The following ZNF420 variants were observed in gnomAD, a reference collection of about 807,000 sequenced individuals.
The protein encoded by ZNF420 is zinc finger protein 420.
A neutral mutation model predicts 44.7 loss-of-function variants in ZNF420; 31 were observed. That is an observed-to-expected ratio of 0.69 (90% confidence interval 0.52 to 0.94). The LOEUF (loss-of-function observed/expected upper bound fraction) is 0.94, where lower values mean the gene tolerates loss of function less well. ZNF420 is among the 40% of genes least tolerant of loss of function. ZNF420 has a pLI of 0.00. For missense variants in ZNF420, 681 were observed against 827.9 expected (o/e 0.82, Z 2.18); for synonymous variants, 245 against 267.4 (o/e 0.92, Z 0.82).
At chr19:37,055,965 T>C (rs1239401484) in intron 1 of ZNF420, among the ~76,000 whole-genome samples, 1 of 152,162 alleles carries the variant, frequency 6.6e-6, no homozygotes, top group East Asian at 1.9e-4. Flanking sequence ...CCGATGGTTG[T>C]TCTTTTGAAA....
intron 4 of ZNF420, chr19:37,115,097 G>T: frequency 5.9e-6 from 1 of 169,190 alleles, no homozygotes; most frequent in South Asian, 1.8e-4. Context: ...CGCAAAGGGT[G>T]ACCATAGACG....
At chr19:37,013,302 G>T (rs926516078) in intron 1 of ZNF420, among the ~76,000 whole-genome samples, 7 of 152,168 alleles carry the variant, frequency 4.6e-5, no homozygotes, top group Non-Finnish European at 8.8e-5. Context: ...CAGGAGCCAG[G>T]CGCCTGTCGG....
At chr19:37,055,135 CT>C (rs1784458711) in intron 1 of ZNF420, among the ~76,000 whole-genome samples, 1 of 152,194 alleles carries the variant, frequency 6.6e-6, no homozygotes, top group South Asian at 2.1e-4. Flanking sequence ...AATCTTAGCA[CT>C]TGGGGAGGCC....
chr19:37,110,335 A>G (rs35314047), intron 4 of ZNF420, among the ~76,000 whole-genome samples: 6,770 of 152,260 alleles, frequency 0.044, 430 homozygotes, highest in African/African-American at 0.13. Flanking sequence ...CACTGGGTGC[A>G]ATGTTGTACA....
intron 4 of ZNF420, among the ~76,000 whole-genome samples, chr19:37,123,832 TCTC>T (rs2145323399): frequency 6.6e-6 from 1 of 151,772 alleles, no homozygotes; most frequent in South Asian, 2.1e-4. Flanking sequence ...ATGGTCTCAA[TCTC>T]CTGACCTCGT....
At chr19:37,045,955 T>C (rs1052241121) in intron 1 of ZNF420, among the ~76,000 whole-genome samples, 2 of 152,226 alleles carry the variant, frequency 1.3e-5, no homozygotes, top group African/African-American at 4.8e-5. Flanking sequence ...ACTTCTTACA[T>C]GGCAGTGGCA....
In ZNF420 at chr19:37,128,868, A is replaced by G; in HGVS notation, c.1877A>G (p.Gln626Arg). 1 of 1,613,662 alleles carries G rather than the reference A, an allele frequency of 6.2e-7. No individual in the cohort carries two copies. Among genetic ancestry groups the G allele is most frequent in the Non-Finnish European group, 8.5e-7 (1 of 1,179,914 alleles). ...AGAGAATGTAGAAAGGCCTTTACTC[A>G]GAGTTCACATCTTTCTCGGCATCAG... is the stretch of plus-strand genomic sequence containing the variant. ...ECRECRKAFT[Q>R]SSHLSRHQRI... Residue 626 changes from glutamine to arginine, a missense_variant, in exon 5 of 5, where the codon CAG becomes CGG. Physicochemically the swap from Gln to Arg is conservative, Grantham distance 43 (BLOSUM62 1). Coordinates refer to ENST00000337995, the MANE Select transcript of ZNF420 (RefSeq NM_144689.5).
intron 1 of ZNF420, among the ~76,000 whole-genome samples, chr19:37,051,637 T>C: frequency 6.6e-6 from 1 of 152,316 alleles, no homozygotes; most frequent in East Asian, 1.9e-4. Context: ...TTGCTAGCAG[T>C]CTATCAATTT....
chr19:37,127,822 G>C lies in ZNF420; in HGVS notation c.831G>C (p.Lys277Asn), dbSNP rs140173769. ...TLHQRLHTGEKLYECKECRKV... is the reference protein window; with the variant it reads ...TLHQRLHTGENLYECKECRKV... ...ACCAGAGACTTCATACTGGTGAAAA[G>C]CTCTATGAATGTAAAGAATGTAGGA... is the stretch of plus-strand genomic sequence containing the variant. The change falls in exon 5 of 5, where the codon AAG becomes AAC. Residue 277 changes from lysine (K) to asparagine (N), a missense_variant. Around this residue, in one of 3 missense-constraint regions of ZNF420, gnomAD observed 350 missense variants for 382.5 expected, o/e 0.92. Transcript: ENST00000337995. 63 of 1,613,542 alleles carry C rather than the reference G, an allele frequency of 3.9e-5. No individual in the cohort carries two copies. The highest frequency in any genetic ancestry group is 5.3e-5 in the Non-Finnish European group (62 of 1,179,890).
upstream of ZNF420, among the ~76,000 whole-genome samples, chr19:37,074,620 A>G (rs1415283647): frequency 6.6e-6 from 1 of 152,216 alleles, no homozygotes; most frequent in African/African-American, 2.4e-5. Flanking sequence ...AATGTGGACT[A>G]TATATTAGAT....
chr19:37,037,441 C>T (rs1167160003), intron 1 of ZNF420, among the ~76,000 whole-genome samples: 1 of 152,354 alleles, frequency 6.6e-6, no homozygotes, highest in East Asian at 1.9e-4. Flanking sequence ...CATGGAAGCG[C>T]AGGCTTCCCC....
At chr19:37,070,186 T>C (rs1230363571) in intron 1 of ZNF420, among the ~76,000 whole-genome samples, 1 of 152,128 alleles carries the variant, frequency 6.6e-6, no homozygotes, top group African/African-American at 2.4e-5. Context: ...GTGAAAAAGT[T>C]GGTCTTTGCA....
In ZNF420 at chr19:37,127,688, A is replaced by C; in HGVS notation, c.697A>C (p.Ile233Leu). The C allele has an allele frequency of 6.2e-7, 1 of 1,613,996 alleles. No individual in the cohort carries two copies. Among genetic ancestry groups the C allele is most frequent in the Non-Finnish European group, 8.5e-7 (1 of 1,179,880 alleles). ...YKCEECGKAF[I>L]RSSQLTRHQK... ...ATGTGAAGAATGTGGGAAAGCCTTT[A>C]TTCGTAGCTCACAACTTACCCGACA... The change falls in exon 5 of 5, where the codon ATT becomes CTT. Residue 233 changes from isoleucine (I) to leucine (L), a missense_variant. By Grantham distance (5) the Ile-to-Leu change is conservative. Around this residue, in one of 3 missense-constraint regions of ZNF420, gnomAD observed 350 missense variants for 382.5 expected, o/e 0.92. Transcript: ENST00000337995.
At position 37,047,050 on chromosome 19, in the gene ZNF420, T is replaced by C. The variant is rs549782336; in HGVS notation, c.-124-33295T>C. Among the ~76,000 whole-genome samples, 35 of 150,604 alleles carry C rather than the reference T, an allele frequency of 2.3e-4. No homozygotes were observed. The South Asian group carries it at 4.6e-3, about 20-fold the overall frequency. ...ATATAGGGTGCTAACTTTTAAGAAA[T>C]TGAATATAGGCAAGGATGAAATAGG... On this transcript the variant is annotated intron_variant, in intron 1 of 4. Transcript: ENST00000587029.
chr19:37,019,390 G>A (rs1203839792), intron 1 of ZNF420, among the ~76,000 whole-genome samples: 1 of 152,194 alleles, frequency 6.6e-6, no homozygotes, highest in Non-Finnish European at 1.5e-5. Context: ...TGTTGGTAAT[G>A]ATATAGAGAA....
At chr19:37,074,447 T>TA (rs544276072), upstream of ZNF420, among the ~76,000 whole-genome samples, 586 of 152,200 alleles carry the variant, frequency 3.9e-3, 6 homozygotes, top group African/African-American at 0.013. Flanking sequence ...CTTCAACTCT[T>TA]AAAAAATGTC....
intron 1 of ZNF420, among the ~76,000 whole-genome samples, chr19:37,019,636 G>A (rs112583084): frequency 0.012 from 1,868 of 152,012 alleles, 49 homozygotes; most frequent in African/African-American, 0.043. Flanking sequence ...TTAGCCAGGC[G>A]CAGTGGCATG....
chr19:37,029,982 C>T (rs977905260), intron 1 of ZNF420, among the ~76,000 whole-genome samples: 12 of 152,166 alleles, frequency 7.9e-5, no homozygotes, highest in African/African-American at 2.9e-4. Context: ...AAAATCTACT[C>T]ATTTAGCATG....
At chr19:37,025,529 G>T (rs1054546368) in intron 1 of ZNF420, among the ~76,000 whole-genome samples, 21 of 152,064 alleles carry the variant, frequency 1.4e-4, no homozygotes, top group African/African-American at 5.1e-4. Context: ...TGGACAGGTG[G>T]TCTTTTTTAT....
Sources: gnomAD v4.1 joint callset for allele counts (sites outside exome capture counted in the v4.1 genomes callset) on GRCh38, gnomAD v4.1.1 for gene constraint, gnomAD v4.1.1 regional missense constraint, MANE v1.5 for transcripts, NCBI Gene and HGNC (gene_info 2026-07-23, HGNC 2026-07-21) for gene names.